The following TCF12 variants were observed in gnomAD, a reference collection of about 807,000 sequenced individuals.
TCF12 encodes DNA-binding protein HTF4.
In TCF12, 45 loss-of-function variants were observed where a neutral mutation model predicts 86.0. The observed-to-expected ratio is 0.52, with a 90% confidence interval of 0.41 to 0.67. The LOEUF (loss-of-function observed/expected upper bound fraction) is 0.67, where lower values mean the gene tolerates loss of function less well. Ranked by LOEUF, TCF12 falls within the 30% of genes least tolerant of loss-of-function variation. TCF12 has a pLI of 0.00. For synonymous variants in TCF12, 330 were observed against 299.6 expected (o/e 1.10, Z -1.05); for missense variants, 881 against 859.9 (o/e 1.02, Z -0.31).
intron 2 of TCF12, among the ~76,000 whole-genome samples, chr15:56,920,487 CGTGT>C (rs71113033): frequency 0.031 from 4,516 of 146,932 alleles, 93 homozygotes; most frequent in Middle Eastern, 0.045. Flanking sequence ...CACACACACA[CGTGT>C]GTGTGTGTGT....
intron 3 of TCF12, among the ~76,000 whole-genome samples, chr15:56,942,203 T>C (rs2060808903): frequency 6.6e-6 from 1 of 152,214 alleles, no homozygotes; most frequent in Non-Finnish European, 1.5e-5. Flanking sequence ...GATGAGATAA[T>C]TGGTATTTTT....
At chr15:56,985,206 C>G (rs2063124215) in intron 3 of TCF12, among the ~76,000 whole-genome samples, 1 of 152,180 alleles carries the variant, frequency 6.6e-6, no homozygotes, top group Non-Finnish European at 1.5e-5. Context: ...TTGCTGACAA[C>G]AGCAAGTGTG....
At chr15:57,096,640 C>T (rs117456576) in intron 5 of TCF12, among the ~76,000 whole-genome samples, 3,450 of 152,060 alleles carry the variant, frequency 0.023, 58 homozygotes, top group Non-Finnish European at 0.036. Context: ...GTAAATAGTT[C>T]TTATGTTGGA....
At chr15:56,937,847 A>G (rs1372784399) in intron 3 of TCF12, among the ~76,000 whole-genome samples, 2 of 152,062 alleles carry the variant, frequency 1.3e-5, no homozygotes, top group Non-Finnish European at 2.9e-5. Context: ...TGTGTGGTGT[A>G]TCACATTTAT....
At chr15:57,100,545 G>C (rs1236793584) in intron 5 of TCF12, among the ~76,000 whole-genome samples, 1 of 151,372 alleles carries the variant, frequency 6.6e-6, no homozygotes, top group Admixed American at 6.6e-5. Flanking sequence ...TTATAGACAT[G>C]AGCCACTTTA....
At chr15:57,022,026 T>C (rs2065517051) in intron 3 of TCF12, among the ~76,000 whole-genome samples, 1 of 152,132 alleles carries the variant, frequency 6.6e-6, no homozygotes, top group East Asian at 1.9e-4. Flanking sequence ...TGGTGATCAA[T>C]ATTTGTCAGG....
intron 12 of TCF12, among the ~76,000 whole-genome samples, chr15:57,239,480 C>G (rs1488419675): frequency 6.9e-6 from 1 of 144,590 alleles, no homozygotes; most frequent in Non-Finnish European, 1.5e-5. Flanking sequence ...CGTGCCACTG[C>G]ACTTCAGCCT....
chr15:57,018,901 A>AG (rs1239973957), intron 3 of TCF12, among the ~76,000 whole-genome samples: 1 of 152,234 alleles, frequency 6.6e-6, no homozygotes, highest in African/African-American at 2.4e-5. Context: ...AGAGTAAGGA[A>AG]GACCCTCTGA....
chr15:57,184,380 T>A (rs1364350047), intron 6 of TCF12, among the ~76,000 whole-genome samples: 1 of 152,206 alleles, frequency 6.6e-6, no homozygotes, highest in Non-Finnish European at 1.5e-5. Context: ...ATCACTCTCT[T>A]ATATTCCCAT....
chr15:57,010,998 G>A (rs959977537), intron 3 of TCF12, among the ~76,000 whole-genome samples: 2 of 152,110 alleles, frequency 1.3e-5, no homozygotes, highest in Non-Finnish European at 2.9e-5. Flanking sequence ...GGTAAGTGAG[G>A]TGGGACTTTG....
chr15:57,214,902 A>G (rs1022006414), intron 8 of TCF12, among the ~76,000 whole-genome samples: 1 of 152,130 alleles, frequency 6.6e-6, no homozygotes, highest in Admixed American at 6.5e-5. Flanking sequence ...TTACTGATAG[A>G]CTGGGTTATC....
chr15:57,118,046 A>G (rs1187143170), intron 5 of TCF12, among the ~76,000 whole-genome samples: 12 of 152,166 alleles, frequency 7.9e-5, no homozygotes, highest in Admixed American at 7.9e-4. Context: ...TGTATTCAGT[A>G]CAATGATCAA....
intron 9 of TCF12, among the ~76,000 whole-genome samples, chr15:57,231,459 A>G (rs1442574661): frequency 6.6e-6 from 1 of 152,122 alleles, no homozygotes; most frequent in East Asian, 1.9e-4. Flanking sequence ...AAACCATTGG[A>G]GTGCTGGTCC....
At chr15:57,013,783 A>G (rs2064984957) in intron 3 of TCF12, among the ~76,000 whole-genome samples, 1 of 152,222 alleles carries the variant, frequency 6.6e-6, no homozygotes, top group Admixed American at 6.5e-5. Flanking sequence ...TTAAGTTAAC[A>G]CCTAAATTTC....
chr15:57,179,131 T>C (rs1455030312), intron 6 of TCF12, among the ~76,000 whole-genome samples: 1 of 152,126 alleles, frequency 6.6e-6, no homozygotes, highest in African/African-American at 2.4e-5. Context: ...AACTACTAGA[T>C]TGTCACGTTT....
At chr15:57,077,915 G>A (rs989845236) in intron 4 of TCF12, among the ~76,000 whole-genome samples, 2 of 152,026 alleles carry the variant, frequency 1.3e-5, no homozygotes, top group African/African-American at 4.8e-5. Flanking sequence ...CTAGGTACCA[G>A]AAACTTAAAT....
chr15:56,991,922 A>G (rs16977180), intron 3 of TCF12, among the ~76,000 whole-genome samples: 2,085 of 152,224 alleles, frequency 0.014, 56 homozygotes, highest in African/African-American at 0.044. Flanking sequence ...TTATGGAGAT[A>G]AACACTATTG....
intron 3 of TCF12, among the ~76,000 whole-genome samples, chr15:56,925,181 A>C (rs2059948898): frequency 1.3e-5 from 2 of 152,130 alleles, no homozygotes; most frequent in South Asian, 2.1e-4. Flanking sequence ...CAGTCTTGGC[A>C]ACAGAATGAG....
chr15:57,268,489 C>T (rs1325623939), intron 18 of TCF12, among the ~76,000 whole-genome samples: 2 of 152,162 alleles, frequency 1.3e-5, no homozygotes, highest in African/African-American at 2.4e-5. Flanking sequence ...TCAGGCAATT[C>T]TCCCATGCCC....
Sources: gnomAD v4.1 joint callset for allele counts (sites outside exome capture counted in the v4.1 genomes callset) on GRCh38, gnomAD v4.1.1 for gene constraint, MANE v1.5 for transcripts, NCBI Gene and HGNC (gene_info 2026-07-23, HGNC 2026-07-21) for gene names.